The following DCHS2 variants were observed in gnomAD, a reference collection of about 807,000 sequenced individuals.
The protein encoded by DCHS2 is protocadherin-23.
A neutral mutation model predicts 182.4 loss-of-function variants in DCHS2; 142 were observed. That is an observed-to-expected ratio of 0.78 (90% CI 0.68 to 0.89). The LOEUF (loss-of-function observed/expected upper bound fraction) is 0.89. DCHS2 is among the 40% of genes least tolerant of loss of function. The probability of loss-of-function intolerance (pLI) is 0.00; values close to 1 mark genes in which losing one functional copy is unlikely to be tolerated. For missense variants in DCHS2, 4,319 were observed against 4,198.6 expected, an observed-to-expected ratio of 1.03 and a Z score of -0.79; for synonymous variants, 1,740 against 1,663.3, an observed-to-expected ratio of 1.05 and a Z score of -1.12.
At chr4:154,280,915 C>T (rs971640982) in intron 13 of DCHS2, among the ~76,000 whole-genome samples, 2 of 151,820 alleles carry the variant, frequency 1.3e-5, no homozygotes, top group African/African-American at 2.4e-5. Flanking sequence ...GCAACCTCTG[C>T]CTCCAAGGTT....
At chr4:154,242,525 T>G in intron 17 of DCHS2, 117 bp downstream of exon 17, 1 of 1,359,502 alleles carries the variant, frequency 7.4e-7, no homozygotes. Flanking sequence ...AAAAATGATC[T>G]AGTTTGCTTG....
chr4:154,236,141 C>A lies in DCHS2; in HGVS notation c.8511G>T (p.Lys2837Asn), dbSNP rs1731484330. ...IDPLTGDIHA[K>N]QILDYENGNK... Reference sequence around the variant, plus strand: ...TGCCATTTTCATAGTCAAGGATTTGCTTAGCATGAATATCCCCTGTCAAAG... The same window carrying A: ...TGCCATTTTCATAGTCAAGGATTTGATTAGCATGAATATCCCCTGTCAAAG... Residue 2837 changes from lysine (K) to asparagine (N), a missense_variant, in exon 20 of 20, where the codon AAG becomes AAT. Physicochemically the swap from Lys to Asn is moderately conservative, Grantham distance 94. Transcript: ENST00000357232. 6.2e-7 allele frequency: 1 copy of A among 1,613,540 alleles called. No homozygotes were observed. The highest frequency in any genetic ancestry group is 1.7e-5 in the Admixed American group (1 of 59,976).
intron 3 of DCHS2, among the ~76,000 whole-genome samples, chr4:154,353,201 C>T (rs1455823472): frequency 1.3e-5 from 2 of 151,810 alleles, no homozygotes; most frequent in Admixed American, 6.6e-5. Flanking sequence ...GACACTCGGG[C>T]AAAAGAAACA....
chr4:154,398,292 A>G (rs143809109), intron 1 of DCHS2, among the ~76,000 whole-genome samples: 1 of 152,372 alleles, frequency 6.6e-6, no homozygotes, highest in African/African-American at 2.4e-5. Flanking sequence ...TGGGTTCACC[A>G]TGTACAAACT....
chr4:154,488,231 G>A (rs1728658650), intron 1 of DCHS2, among the ~76,000 whole-genome samples: 1 of 151,902 alleles, frequency 6.6e-6, no homozygotes, highest in African/African-American at 2.4e-5. Flanking sequence ...AAAAGGAATG[G>A]CCTGGAAGGG....
chr4:154,244,456 A>G (rs1281154755), intron 16 of DCHS2, among the ~76,000 whole-genome samples: 1 of 152,206 alleles, frequency 6.6e-6, no homozygotes, highest in Non-Finnish European at 1.5e-5. Context: ...GAGTAATAAA[A>G]TGAGTTATTA....
intron 1 of DCHS2, among the ~76,000 whole-genome samples, chr4:154,403,412 T>C (rs540463342): frequency 6.6e-6 from 1 of 152,342 alleles, no homozygotes; most frequent in Admixed American, 6.5e-5. Context: ...TAGATGATTA[T>C]ATAAATTTTT....
rs1344123024 is a variant in DCHS2 at position 154,232,056 on chromosome 4, CTTTTA to C, written c.*2475_*2479del. On this transcript the variant is annotated 3_prime_UTR_variant, in exon 20 of 20. Transcript: ENST00000357232. ...CCAAAATTCCACAAGAGACAACTGTCTTTTATTTTATAGCTTATGAATTTGGGGCT... is the reference window on the plus strand; with the variant it reads ...CCAAAATTCCACAAGAGACAACTGTCTTTTATAGCTTATGAATTTGGGGCT... The C allele has an allele frequency of 4.0e-5, 6 of 151,880 alleles. No individual in the cohort carries two copies. The highest frequency in any genetic ancestry group is 5.9e-5 in the Non-Finnish European group (4 of 68,008). 9.4% of individuals were successfully genotyped at this position (151,880 alleles called of 1,614,324 possible). A position where few individuals can be genotyped will look rare whatever the true frequency, so the allele number is the denominator to read the frequency against.
At chr4:154,244,647 C>T (rs1267091675) in intron 16 of DCHS2, among the ~76,000 whole-genome samples, 1 of 152,092 alleles carries the variant, frequency 6.6e-6, no homozygotes, top group Non-Finnish European at 1.5e-5. Context: ...ATGAAATAAA[C>T]ATCAACTCCT....
intron 2 of DCHS2, among the ~76,000 whole-genome samples, chr4:154,376,166 G>T (rs547676166): frequency 1.3e-5 from 2 of 151,926 alleles, no homozygotes; most frequent in African/African-American, 4.8e-5. Flanking sequence ...TGCTTTTATG[G>T]GTCTGTTGAT....
At chr4:154,417,579 A>G (rs1732924815) in intron 1 of DCHS2, among the ~76,000 whole-genome samples, 2 of 152,180 alleles carry the variant, frequency 1.3e-5, no homozygotes, top group Admixed American at 1.3e-4. Context: ...AAATTGTTTT[A>G]TGCACTATTT....
intron 3 of DCHS2, among the ~76,000 whole-genome samples, chr4:154,340,234 C>A (rs1480313441): frequency 6.6e-6 from 1 of 152,024 alleles, no homozygotes; most frequent in African/African-American, 2.4e-5. Flanking sequence ...GAATGAATAT[C>A]ATGGATATTT....
At chr4:154,427,783 C>T (rs1733392103) in intron 1 of DCHS2, among the ~76,000 whole-genome samples, 1 of 152,150 alleles carries the variant, frequency 6.6e-6, no homozygotes, top group Non-Finnish European at 1.5e-5. Context: ...TACCACCTCC[C>T]GTCAGAGAGA....
chr4:154,239,253 G>T lies in DCHS2; in HGVS notation c.7409C>A (p.Ser2470Ter). ...IPVGYSVLTL[S>*]ATDLESNENI... The stretch of plus-strand genomic sequence containing the variant: ...CTCATTGCTTTCTAAGTCTGTGGCT[G>T]ACAGAGTCAGCACTGAATACCCCAC... The change falls in exon 19 of 20, where the codon TCA becomes TAA. Residue 2470 changes from serine (S) to a stop codon, truncating the protein, a stop_gained. Coordinates refer to ENST00000357232, the MANE Select transcript of DCHS2 (RefSeq NM_001358235.2). LOFTEE classifies it high-confidence loss of function. 1 of 1,613,466 alleles carries T rather than the reference G, an allele frequency of 6.2e-7. No homozygotes were observed. Among genetic ancestry groups the T allele is most frequent in the East Asian group, 2.2e-5 (1 of 44,770 alleles).
chr4:154,434,719 T>C lies in DCHS2; in HGVS notation c.2052+54585A>G, dbSNP rs568155282. On this transcript the variant is annotated intron_variant, in intron 1 of 19. Transcript: ENST00000357232. ...AAAAGTGAGTTAACATTATCAGTGA[T>C]AAGCCATGTTGATAGCATGTACTTC... is the stretch of plus-strand genomic sequence containing the variant. 2.6e-5 allele frequency among the ~76,000 whole-genome samples: 4 copies of C among 152,344 alleles called. 1 individual carries two copies. In the East Asian group the frequency reaches 7.7e-4, roughly 29 times the overall value.
intron 1 of DCHS2, among the ~76,000 whole-genome samples, chr4:154,418,115 A>G (rs2110908233): frequency 6.6e-6 from 1 of 152,350 alleles, no homozygotes; most frequent in African/African-American, 2.4e-5. Flanking sequence ...CTGTCGTACA[A>G]TTATTTCTAG....
intron 1 of DCHS2, among the ~76,000 whole-genome samples, chr4:154,464,378 A>G (rs544587239): frequency 9.9e-5 from 15 of 152,248 alleles, no homozygotes; most frequent in Non-Finnish European, 2.1e-4. Flanking sequence ...GAAAATTCAC[A>G]GCAAGAGATA....
In DCHS2 at chr4:154,491,464, T is replaced by C. The variant is rs959070774; in HGVS notation, c.-109A>G. 10 of 1,410,890 alleles carry C rather than the reference T, an allele frequency of 7.1e-6. No homozygotes were observed. Among genetic ancestry groups the C allele is most frequent in the Non-Finnish European group, 8.3e-6 (9 of 1,087,102 alleles). The allele number at this position is 1,410,890 out of a possible 1,614,324, so 87.4% of individuals were successfully genotyped here. On this transcript the variant is annotated 5_prime_UTR_variant, in exon 1 of 20. Transcript: ENST00000357232. Reference sequence around the variant, plus strand: ...GTCTGAGCCAGAGAAGAAAAGACTTTGTTTGGCAAACAAACCGACGGCCCA... The same window carrying C: ...GTCTGAGCCAGAGAAGAAAAGACTTCGTTTGGCAAACAAACCGACGGCCCA...
chr4:154,414,060 A>C (rs1732733205), intron 1 of DCHS2, among the ~76,000 whole-genome samples: 1 of 152,028 alleles, frequency 6.6e-6, no homozygotes, highest in African/African-American at 2.4e-5. Context: ...AATAACAATA[A>C]ATTCCATATG....
Sources: allele counts gnomAD v4.1 joint callset (sites outside exome capture counted in the v4.1 genomes callset), GRCh38; gene constraint gnomAD v4.1.1; transcripts MANE v1.5; gene names NCBI Gene and HGNC (gene_info 2026-07-23, HGNC 2026-07-21).